Variants in ZBTB21 observed in about 807,000 individuals in gnomAD.
The protein encoded by ZBTB21 is zinc finger and BTB domain-containing protein 21.
In ZBTB21, 10 loss-of-function variants were observed where a neutral mutation model predicts 39.8. The ratio of observed to expected loss-of-function variants is 0.25; its 90% CI spans 0.16 to 0.43. The LOEUF is 0.43. Among genes scored for constraint, ZBTB21 ranks in the 20% least tolerant of loss-of-function variants. The pLI is 1.00. For missense variants in ZBTB21, 1,221 were observed against 1,296.3 expected, an observed-to-expected ratio of 0.94 and a Z score of 0.89; for synonymous variants, 551 against 498.8, an observed-to-expected ratio of 1.10 and a Z score of -1.40.
At chr21:42,009,998 G>C (rs1027856372) in intron 1 of ZBTB21, among the ~76,000 whole-genome samples, 1 of 152,276 alleles carries the variant, frequency 6.6e-6, no homozygotes, top group Non-Finnish European at 1.5e-5. Flanking sequence ...GCGAGGGCGA[G>C]GCCAAGTGCT....
Position 41,993,241 on chromosome 21 carries a change from T to A in ZBTB21, c.855A>T (p.Ser285=). 1 of 1,611,778 alleles carries A rather than the reference T, an allele frequency of 6.2e-7. No individual in the cohort carries two copies. The highest frequency in any genetic ancestry group is 1.1e-5 in the South Asian group (1 of 91,088). ...PRPPVLSVCS[S]SETPYLLKET... ...CTTTTAATAGATAGGGAGTCTCTGATGAGCTACAAACAGACAAAACAGGTG... is the reference window on the plus strand; with the variant it reads ...CTTTTAATAGATAGGGAGTCTCTGAAGAGCTACAAACAGACAAAACAGGTG... The change falls in exon 3 of 3, where the codon TCA becomes TCT. Residue 285 remains serine, a synonymous_variant. Transcript: ENST00000310826.
At chr21:41,995,778 G>A (rs1211002594) in intron 2 of ZBTB21, among the ~76,000 whole-genome samples, 2 of 152,170 alleles carry the variant, frequency 1.3e-5, no homozygotes, top group East Asian at 1.9e-4. Context: ...TGGTTTTGTG[G>A]GCCAGGCCCA....
chr21:41,993,435 C>G lies in ZBTB21; in HGVS notation c.661G>C (p.Glu221Gln), dbSNP rs1324679673. The G allele has an allele frequency of 1.2e-6, 2 of 1,614,188 alleles. No individual in the cohort carries two copies. Among genetic ancestry groups the G allele is most frequent in the Non-Finnish European group, 1.7e-6 (2 of 1,180,020 alleles). The change falls in exon 3 of 3, where the codon GAG becomes CAG. Residue 221 changes from glutamate to glutamine, a missense_variant. Coordinates refer to ENST00000310826, the MANE Select transcript of ZBTB21 (RefSeq NM_001098402.2). ...DSSVVYAKSL[E>Q]HSGSLDDPNR... is the part of the protein sequence containing the mutation. Reference sequence around the variant, plus strand: ...GGATCATCCAAAGATCCAGAATGCTCAAGAGACTTTGCATATACCACAGAA... The same window carrying G: ...GGATCATCCAAAGATCCAGAATGCTGAAGAGACTTTGCATATACCACAGAA...
intron 1 of ZBTB21, chr21:42,007,720 A>C (rs528627748): frequency 1.3e-5 from 2 of 152,242 alleles, no homozygotes; most frequent in Non-Finnish European, 2.9e-5. Flanking sequence ...CCTTGTTTGC[A>C]TGCACGTATC....
intron 1 of ZBTB21, among the ~76,000 whole-genome samples, chr21:42,003,947 C>T (rs2065847238): frequency 6.6e-6 from 1 of 151,926 alleles, no homozygotes; most frequent in Non-Finnish European, 1.5e-5. Context: ...TTCATACCAT[C>T]ACTTCAAATT....
intron 1 of ZBTB21, among the ~76,000 whole-genome samples, chr21:42,008,458 C>G (rs1253387037): frequency 7.4e-6 from 1 of 134,622 alleles, no homozygotes; most frequent in Admixed American, 8.4e-5. Flanking sequence ...GCGGAGGTTG[C>G]AAAACCAGGG....
chr21:41,995,511 T>TG lies in ZBTB21; in HGVS notation c.-13-1404_-13-1403insC, dbSNP rs201262349. On this transcript the variant is annotated intron_variant, in intron 2 of 2. Transcript: ENST00000310826. ...TCTAGGCAGCAAAGCATTCAAGAGG[T>TG]TCTCAGGTGCTGTTAGAGGCATTAA... 2.5e-3 allele frequency among the ~76,000 whole-genome samples: 381 copies of TG among 152,254 alleles called. 3 individuals carry two copies. The highest frequency in any genetic ancestry group is 8.8e-3 in the African/African-American group (365 of 41,548).
intron 1 of ZBTB21, among the ~76,000 whole-genome samples, chr21:42,004,510 G>A (rs2065855740): frequency 2.6e-5 from 4 of 152,144 alleles, no homozygotes; most frequent in Admixed American, 2.6e-4. Context: ...GAGGGGGTGA[G>A]AAACAGAGAT....
chr21:41,994,496 C>T (rs1349268143), intron 2 of ZBTB21, among the ~76,000 whole-genome samples: 1 of 152,166 alleles, frequency 6.6e-6, no homozygotes, highest in Non-Finnish European at 1.5e-5. Flanking sequence ...ATTATCAAAC[C>T]CCTGAAGTCT....
In ZBTB21 at chr21:42,001,212, G is replaced by A. The variant is rs77111577; in HGVS notation, c.-14+1685C>T. ...GAGGCTAAGCTCTTAACCCCTACACGACACTGCCTCTAGTTTCCTCTTCCA... is the reference window on the plus strand; with the variant it reads ...GAGGCTAAGCTCTTAACCCCTACACAACACTGCCTCTAGTTTCCTCTTCCA... On this transcript the variant is annotated intron_variant, in intron 2 of 2. Transcript: ENST00000310826. Among the ~76,000 whole-genome samples, 200 of 152,260 alleles carry A rather than the reference G, an allele frequency of 1.3e-3. 1 individual carries two copies. The East Asian group carries it at 0.015, about 11-fold the overall frequency.
rs756281503 is a variant in ZBTB21 at position 41,992,944 on chromosome 21, T to C, written c.1152A>G (p.Ser384=). The change falls in exon 3 of 3, where the codon TCA becomes TCG. Residue 384 remains serine, a synonymous_variant. Transcript: ENST00000310826. The surrounding 1 kb of genome is among the most constrained non-coding windows in gnomAD (Gnocchi z 4.1). ...GNVLCALSQK[S]SLKDCSEKTA... ...TTTTTTCACTACAATCTTTTAAAGA[T>C]GACTTCTGAGATAAAGCACACAACA... 3.1e-6 allele frequency: 5 copies of C among 1,614,098 alleles called. No homozygotes were observed. Among genetic ancestry groups the C allele is most frequent in the East Asian group, 2.2e-5 (1 of 44,892 alleles).
chr21:41,987,405 A>G lies in ZBTB21; in HGVS notation c.*3490T>C, dbSNP rs2065592040. On this transcript the variant is annotated 3_prime_UTR_variant, in exon 3 of 3. Coordinates refer to ENST00000310826, the MANE Select transcript of ZBTB21 (RefSeq NM_001098402.2). ...AAGAGCATATTAAAAATTACAAAAA[A>G]TTAAACTTCTTAAAGTGCTAAAACC... 1 of 152,256 alleles carries G rather than the reference A, an allele frequency of 6.6e-6. No individual in the cohort carries two copies. Among genetic ancestry groups the G allele is most frequent in the African/African-American group, 2.4e-5 (1 of 41,472 alleles). 9.4% of individuals were successfully genotyped at this position (152,256 alleles called of 1,614,324 possible).
chr21:41,996,203 G>C (rs780166469), intron 2 of ZBTB21, among the ~76,000 whole-genome samples: 14 of 152,240 alleles, frequency 9.2e-5, no homozygotes, highest in African/African-American at 1.2e-4. Context: ...CAGAATGGTA[G>C]ATACGTCGAC....
rs1301909418 is a variant in ZBTB21, at chr21:41,993,296, G to T, written c.800C>A (p.Ala267Asp). ...TGGTCTCTTCAAAGCCAGCTCTAGA[G>T]CTTTTCCTTTTGGAAGCTGACCACT... ...GVSGQLPKGK[A>D]LELALKRPRP... The change falls in exon 3 of 3, where the codon GCT (alanine) becomes GAT (aspartate). Residue 267 changes from alanine (A) to aspartate (D), a missense_variant. Ala to Asp is a moderately radical substitution (Grantham distance 126). Transcript: ENST00000310826. 1 of 1,613,142 alleles carries T rather than the reference G, an allele frequency of 6.2e-7. No individual in the cohort carries two copies. The highest frequency in any genetic ancestry group is 8.5e-7 in the Non-Finnish European group (1 of 1,180,004).
chr21:41,993,261 C>T lies in ZBTB21; in HGVS notation c.835G>A (p.Val279Ile). 1 of 1,611,966 alleles carries T rather than the reference C, an allele frequency of 6.2e-7. No individual in the cohort carries two copies. The highest frequency in any genetic ancestry group is 8.5e-7 in the Non-Finnish European group (1 of 1,180,026). Residue 279 changes from valine to isoleucine, a missense_variant, in exon 3 of 3, where the codon GTT becomes ATT. Physicochemically the swap from Val to Ile is conservative, Grantham distance 29 (BLOSUM62 3). Coordinates refer to ENST00000310826, the MANE Select transcript of ZBTB21 (RefSeq NM_001098402.2). Reference sequence around the variant, plus strand: ...TCTGATGAGCTACAAACAGACAAAACAGGTGGCCGTGGTCTCTTCAAAGCC... The same window carrying T: ...TCTGATGAGCTACAAACAGACAAAATAGGTGGCCGTGGTCTCTTCAAAGCC... ...ELALKRPRPP[V>I]LSVCSSSETP...
chr21:42,002,020 A>T (rs544315984), intron 2 of ZBTB21, among the ~76,000 whole-genome samples: 3 of 152,252 alleles, frequency 2.0e-5, no homozygotes, highest in Non-Finnish European at 4.4e-5. Context: ...TAGGGGAGGA[A>T]ATGCCCATGA....
Position 41,991,580 on chromosome 21 carries a change from A to G in ZBTB21, c.2516T>C (p.Val839Ala), listed in dbSNP as rs1601630785. ...QPEPNKVNHI[V>A]TTKDDNVFSD... ...GAACACGTTGTCGTCTTTTGTGGTGACGATGTGGTTTACTTTGTTGGGCTC... is the reference window on the plus strand; with the variant it reads ...GAACACGTTGTCGTCTTTTGTGGTGGCGATGTGGTTTACTTTGTTGGGCTC... Residue 839 changes from valine to alanine, a missense_variant, in exon 3 of 3, where the codon GTC becomes GCC. By Grantham distance (64) the Val-to-Ala change is moderately conservative. Around this residue, in one of 4 missense-constraint regions of ZBTB21, gnomAD observed 523 missense variants for 542.5 expected, o/e 0.96. Transcript: ENST00000310826. The surrounding 1 kb of genome is among the most constrained non-coding windows in gnomAD (Gnocchi z 4.9). The G allele has an allele frequency of 6.2e-7, 1 of 1,614,044 alleles. No individual in the cohort carries two copies. Among genetic ancestry groups the G allele is most frequent in the Admixed American group, 1.7e-5 (1 of 60,002 alleles).
At position 41,987,783 on chromosome 21, in the gene ZBTB21, A is replaced by G. The variant is rs1235684286; in HGVS notation, c.*3112T>C. ...CAACTTTAGATCTGTTAATTCTTCC[A>G]TCTCTCCCTCACCCTGATCAGAGAG... On this transcript the variant is annotated 3_prime_UTR_variant, in exon 3 of 3. Transcript: ENST00000310826. 1 of 152,206 alleles carries G rather than the reference A, an allele frequency of 6.6e-6. No individual in the cohort carries two copies. The highest frequency in any genetic ancestry group is 1.9e-4 in the East Asian group (1 of 5,196). 9.4% of individuals were successfully genotyped at this position (152,206 alleles called of 1,614,324 possible). A position where few individuals can be genotyped will look rare whatever the true frequency, so the allele number is the denominator to read the frequency against.
In ZBTB21 at chr21:41,987,203, T is replaced by C. The variant is rs561091694; in HGVS notation, c.*3692A>G. ...AATGAAAGAGCACTGAATTCTGTTA[T>C]TTTAAAGATTTACAGTAAAATACTT... On this transcript the variant is annotated 3_prime_UTR_variant, in exon 3 of 3. Transcript: ENST00000310826. The C allele has an allele frequency of 6.6e-6, 1 of 152,352 alleles. No individual in the cohort carries two copies. The highest frequency in any genetic ancestry group is 2.4e-5 in the African/African-American group (1 of 41,584). The allele number at this position is 152,352 out of a possible 1,614,324, so 9.4% of individuals were successfully genotyped here. A position where few individuals can be genotyped will look rare whatever the true frequency, so the allele number is the denominator to read the frequency against.
Sources: allele counts gnomAD v4.1 joint callset (sites outside exome capture counted in the v4.1 genomes callset), GRCh38; gene constraint gnomAD v4.1.1; regional missense constraint gnomAD v4.1.1; non-coding constraint Gnocchi (gnomAD v3.1); transcripts MANE v1.5; gene names NCBI Gene and HGNC (gene_info 2026-07-23, HGNC 2026-07-21).